The following MCTP2 variants were observed in gnomAD, a reference collection of about 807,000 sequenced individuals.
MCTP2 encodes the protein multiple C2 and transmembrane domain containing 2, also known as multiple C2 and transmembrane domain-containing protein 2.
Under a neutral mutation model 111.6 loss-of-function variants are expected in MCTP2, and 132 were observed. The ratio of observed to expected loss-of-function variants is 1.18; its 90% CI spans 1.03 to 1.37. The LOEUF is 1.37. Ranked by LOEUF, MCTP2 falls within the 40% of genes most tolerant of loss-of-function variation. The pLI, the probability that MCTP2 is intolerant of heterozygous loss-of-function variation, is 0.00. For synonymous variants in MCTP2, 395 were observed against 387.7 expected (o/e 1.02, Z -0.22); for missense variants, 1,183 against 1,067.9 (o/e 1.11, Z -1.50).
intron 10 of MCTP2, among the ~76,000 whole-genome samples, chr15:94,359,464 G>C (rs558194661): frequency 6.6e-6 from 1 of 152,068 alleles, no homozygotes; most frequent in Non-Finnish European, 1.5e-5. Context: ...ATGTTGAAAG[G>C]GATCCCAACC....
At chr15:94,374,504 C>T (rs1211574411) in intron 12 of MCTP2, among the ~76,000 whole-genome samples, 1 of 152,202 alleles carries the variant, frequency 6.6e-6, no homozygotes, top group Non-Finnish European at 1.5e-5. Flanking sequence ...ATGGCCACCA[C>T]TGGCATGATG....
At chr15:94,441,314 A>G (rs184130970) in intron 18 of MCTP2, among the ~76,000 whole-genome samples, 2 of 152,344 alleles carry the variant, frequency 1.3e-5, no homozygotes, top group East Asian at 1.9e-4. Flanking sequence ...GCATGAACAC[A>G]TATCAGTGAG....
At chr15:94,338,516 T>C (rs1387781937) in intron 4 of MCTP2, among the ~76,000 whole-genome samples, 2 of 146,674 alleles carry the variant, frequency 1.4e-5, no homozygotes, top group African/African-American at 2.6e-5. Flanking sequence ...TTTACTTCCA[T>C]TGATCTGAAA....
At chr15:94,325,166 C>T (rs1214986286) in intron 4 of MCTP2, among the ~76,000 whole-genome samples, 4 of 152,082 alleles carry the variant, frequency 2.6e-5, no homozygotes, top group East Asian at 1.9e-4. Context: ...CATGGACCAC[C>T]GGAGTTTGGA....
chr15:94,346,775 G>A (rs765246759), intron 8 of MCTP2, among the ~76,000 whole-genome samples: 19 of 152,086 alleles, frequency 1.2e-4, no homozygotes, highest in African/African-American at 2.9e-4. Flanking sequence ...ATGGCCAAAC[G>A]AATGATGGGG....
At chr15:94,357,107 C>T (rs1285083402) in intron 9 of MCTP2, among the ~76,000 whole-genome samples, 1 of 152,006 alleles carries the variant, frequency 6.6e-6, no homozygotes, top group Non-Finnish European at 1.5e-5. Context: ...TTTCTAGCAT[C>T]AAGGATGCAG....
intron 4 of MCTP2, among the ~76,000 whole-genome samples, chr15:94,326,474 T>A (rs2076875733): frequency 6.6e-6 from 1 of 152,204 alleles, no homozygotes; most frequent in South Asian, 2.1e-4. Context: ...AAATTGCCAA[T>A]TTACTCTTGA....
intron 19 of MCTP2, among the ~76,000 whole-genome samples, chr15:94,448,384 T>A (rs1026717861): frequency 2.0e-5 from 3 of 152,216 alleles, no homozygotes; most frequent in African/African-American, 2.4e-5. Flanking sequence ...TTAGATGAAT[T>A]ACCTGTCCTT....
intron 17 of MCTP2, among the ~76,000 whole-genome samples, chr15:94,438,867 G>C (rs1397229159): frequency 1.3e-5 from 2 of 152,032 alleles, no homozygotes; most frequent in Non-Finnish European, 2.9e-5. Context: ...TTTCATTAAA[G>C]CCACGAATTA....
At chr15:94,414,513 A>G (rs899667854) in intron 17 of MCTP2, among the ~76,000 whole-genome samples, 13 of 152,192 alleles carry the variant, frequency 8.5e-5, no homozygotes. Context: ...TTTATAATAA[A>G]TGGTAAAAGC....
rs377209005 is a variant in MCTP2, at chr15:94,351,107, ATC to A, written c.1006-5026_1006-5025del. Among the ~76,000 whole-genome samples the A allele has an allele frequency of 1.8e-4, 27 of 152,324 alleles. No homozygotes were observed. The East Asian group carries it at 5.0e-3, about 28-fold the overall frequency. ...ATGTATTTGTACACAGATTATTCAT[ATC>A]TCTGGAACTGATACCATTTTTATCT... On this transcript the variant is annotated intron_variant, in intron 8 of 22. Coordinates refer to ENST00000357742, the MANE Select transcript of MCTP2 (RefSeq NM_001385001.1).
chr15:94,395,926 T>A (rs2081260214), intron 14 of MCTP2, among the ~76,000 whole-genome samples: 1 of 152,174 alleles, frequency 6.6e-6, no homozygotes, highest in African/African-American at 2.4e-5. Flanking sequence ...TGTGATATAT[T>A]TCTGAAAATA....
Position 94,479,098 on chromosome 15 carries a change from G to A in MCTP2, c.*64G>A, listed in dbSNP as rs758431079. ...GTTTGGTTGAGTAGACCAATGTTATGGCTGTTTCAGTGGTACCCAAGGTGT... is the reference window on the plus strand; with the variant it reads ...GTTTGGTTGAGTAGACCAATGTTATAGCTGTTTCAGTGGTACCCAAGGTGT... On this transcript the variant is annotated 3_prime_UTR_variant, in exon 23 of 23. Coordinates refer to ENST00000357742, the MANE Select transcript of MCTP2 (RefSeq NM_001385001.1). 422 of 1,497,186 alleles carry A rather than the reference G, an allele frequency of 2.8e-4. No homozygotes were observed. The highest frequency in any genetic ancestry group is 3.8e-4 in the Non-Finnish European group (410 of 1,074,894). 92.7% of individuals were successfully genotyped at this position (1,497,186 alleles called of 1,614,324 possible). A position where few individuals can be genotyped will look rare whatever the true frequency, so the allele number is the denominator to read the frequency against.
chr15:94,430,474 G>A (rs2083120787), intron 17 of MCTP2, among the ~76,000 whole-genome samples: 1 of 144,638 alleles, frequency 6.9e-6, no homozygotes, highest in African/African-American at 2.6e-5. Flanking sequence ...ACTCATGCCT[G>A]TAATCCTAGC....
chr15:94,243,815 A>G (rs980497465), intron 1 of MCTP2, among the ~76,000 whole-genome samples: 5 of 148,392 alleles, frequency 3.4e-5, no homozygotes, highest in Admixed American at 2.7e-4. Flanking sequence ...ATATACATAT[A>G]TGTATACACA....
At chr15:94,315,969 A>C (rs980498127) in intron 4 of MCTP2, among the ~76,000 whole-genome samples, 1 of 152,218 alleles carries the variant, frequency 6.6e-6, no homozygotes, top group African/African-American at 2.4e-5. Flanking sequence ...TCATGAGAAA[A>C]ATGTGAGCCC....
chr15:94,254,346 G>C (rs1051894894), intron 1 of MCTP2, among the ~76,000 whole-genome samples: 1 of 152,174 alleles, frequency 6.6e-6, no homozygotes, highest in Non-Finnish European at 1.5e-5. Flanking sequence ...TAAGGTATAA[G>C]CACAGATGTT....
At chr15:94,432,434 T>G (rs2083243175) in intron 17 of MCTP2, among the ~76,000 whole-genome samples, 1 of 152,176 alleles carries the variant, frequency 6.6e-6, no homozygotes. Flanking sequence ...AGAAGAGCAA[T>G]TTAAGATCAC....
chr15:94,472,214 C>T (rs898068689), intron 21 of MCTP2, among the ~76,000 whole-genome samples: 3 of 152,098 alleles, frequency 2.0e-5, no homozygotes, highest in African/African-American at 7.2e-5. Context: ...CCTGTTTCTA[C>T]CAAAAATACA....
Sources: allele counts gnomAD v4.1 joint callset (sites outside exome capture counted in the v4.1 genomes callset), GRCh38; gene constraint gnomAD v4.1.1; transcripts MANE v1.5; gene names NCBI Gene and HGNC (gene_info 2026-07-23, HGNC 2026-07-21).